Variants in SPTA1 observed in about 807,000 individuals in gnomAD.
SPTA1 encodes the protein spectrin alpha chain, erythrocytic 1.
In SPTA1, 177 loss-of-function variants were observed where a neutral mutation model predicts 324.7. That is an observed-to-expected ratio of 0.55 (90% CI 0.48 to 0.62). The LOEUF (loss-of-function observed/expected upper bound fraction) is 0.62. SPTA1 is among the 20% of genes least tolerant of loss of function. SPTA1 has a pLI of 0.00. For missense variants in SPTA1, 3,162 were observed against 2,883.6 expected, an observed-to-expected ratio of 1.10 and a Z score of -2.21; for synonymous variants, 1,195 against 1,041.3, an observed-to-expected ratio of 1.15 and a Z score of -2.84.
chr1:158,657,599 G>C lies in SPTA1; in HGVS notation c.2683C>G (p.Leu895Val), dbSNP rs765072629. The C allele has an allele frequency of 1.2e-6, 2 of 1,613,972 alleles. No homozygotes were observed. The highest frequency in any genetic ancestry group is 1.3e-5 in the African/African-American group (1 of 74,888). ...RARAARRQND[L>V]EANVQFQQYL... ...TGCTGGAACTGGACATTGGCTTCAA[G>C]ATCATTTTGTCGCCTAGCAGCTCGA... is the stretch of plus-strand genomic sequence containing the variant. The change falls in exon 19 of 52, where the codon CTT becomes GTT. Residue 895 changes from leucine to valine, a missense_variant. Physicochemically the swap from Leu to Val is conservative, Grantham distance 32 (BLOSUM62 1). Coordinates refer to ENST00000643759, the MANE Select transcript of SPTA1 (RefSeq NM_003126.4).
chr1:158,654,626 G>A lies in SPTA1; in HGVS notation c.3021C>T (p.Leu1007=), dbSNP rs754202584. The A allele has an allele frequency of 6.2e-7, 1 of 1,614,012 alleles. No individual in the cohort carries two copies. Among genetic ancestry groups the A allele is most frequent in the Admixed American group, 1.7e-5 (1 of 60,010 alleles). The change falls in exon 21 of 52, where the codon CTC becomes CTT. Residue 1007 remains leucine (L), a synonymous_variant. Coordinates refer to ENST00000643759, the MANE Select transcript of SPTA1 (RefSeq NM_003126.4). ...GAAAAGTCACCTTATTGATGGAACT[G>A]AGCAGCGTTAAGACATCACCTTTCT... The part of the protein sequence containing the change: ...TMKKGDVLTL[L]SSINKDWWKV...
intron 25 of SPTA1, among the ~76,000 whole-genome samples, chr1:158,649,113 T>C (rs985025495): frequency 1.2e-4 from 19 of 152,216 alleles, no homozygotes; most frequent in Admixed American, 7.2e-4. Context: ...TTCTGTTTTG[T>C]TTGTTTACTT....
intron 20 of SPTA1, 72 bp from the exon 21 acceptor site, chr1:158,654,820 G>C: frequency 6.3e-7 from 1 of 1,599,924 alleles, no homozygotes; most frequent in Non-Finnish European, 8.5e-7. Flanking sequence ...CCAGGGGTGA[G>C]TAGTCCTTTA....
chr1:158,616,160 A>C (rs1307094513), intron 47 of SPTA1, among the ~76,000 whole-genome samples: 1 of 152,150 alleles, frequency 6.6e-6, no homozygotes, highest in Non-Finnish European at 1.5e-5. Context: ...GGTATACAAG[A>C]CAATTTAATA....
In SPTA1 at chr1:158,619,216, G is replaced by T; in HGVS notation, c.6530+6C>A. 6.2e-7 allele frequency: 1 copy of T among 1,612,802 alleles called. No homozygotes were observed. Among genetic ancestry groups the T allele is most frequent in the Non-Finnish European group, 8.5e-7 (1 of 1,178,834 alleles). ...GGGTCATGGTTTGGGATGTAGCATA[G>T]CACACCTGGTTTCCAGGATCCATTG... On this transcript the variant is annotated splice_donor_region_variant and intron_variant, in intron 45 of 51. Transcript: ENST00000643759.
At chr1:158,675,796 A>G (rs913416099) in intron 8 of SPTA1, among the ~76,000 whole-genome samples, 6 of 152,210 alleles carry the variant, frequency 3.9e-5, no homozygotes, top group Non-Finnish European at 5.9e-5. Flanking sequence ...CAAAGGAATG[A>G]TTCATCTTTC....
chr1:158,677,729 G>A lies in SPTA1; in HGVS notation c.918C>T (p.His306=). 1 of 1,613,546 alleles carries A rather than the reference G, an allele frequency of 6.2e-7. No individual in the cohort carries two copies. The highest frequency in any genetic ancestry group is 1.1e-5 in the South Asian group (1 of 91,064). The part of the protein sequence containing the change: ...LVASEGLFHS[H]KGLERNLAVM... ...CAGCAAGATTTCTCTCAAGTCCCTT[G>A]TGACTGTGAAACAGTCCTTCAGAGG... The change falls in exon 7 of 52, where the codon CAC becomes CAT. Residue 306 remains histidine, a synonymous_variant. Transcript: ENST00000643759.
intron 43 of SPTA1, among the ~76,000 whole-genome samples, chr1:158,620,960 C>A (rs756086440): frequency 1.3e-5 from 2 of 152,000 alleles, no homozygotes; most frequent in Non-Finnish European, 2.9e-5. Flanking sequence ...TAGACCACAC[C>A]CAGCTGACTT....
intron 24 of SPTA1, 68 bp downstream of exon 24, chr1:158,651,299 T>C (rs369535605): frequency 8.3e-5 from 81 of 977,018 alleles, no homozygotes; most frequent in Middle Eastern, 6.2e-4. Flanking sequence ...AAGTTCCATG[T>C]TGAAGTGAAA....
At chr1:158,630,889 C>G (rs1336929350) in intron 39 of SPTA1, among the ~76,000 whole-genome samples, 1 of 152,044 alleles carries the variant, frequency 6.6e-6, no homozygotes, top group African/African-American at 2.4e-5. Flanking sequence ...TTCAATATCA[C>G]TAATTATCAG....
Position 158,614,321 on chromosome 1 carries a change from A to AT in SPTA1, c.6789-16_6789-15insA. ...CTTTGATGTCCCTGAAAGAAAAAAA[A>AT]AAAACATGAATTTTCCCTGTATATG... is the stretch of plus-strand genomic sequence containing the variant. On this transcript the variant is annotated splice_polypyrimidine_tract_variant and intron_variant, in intron 48 of 51. Transcript: ENST00000643759. The AT allele has an allele frequency of 6.3e-7, 1 of 1,574,888 alleles. No individual in the cohort carries two copies. Among genetic ancestry groups the AT allele is most frequent in the Non-Finnish European group, 8.7e-7 (1 of 1,148,584 alleles).
At position 158,619,283 on chromosome 1, in the gene SPTA1, C is replaced by A; in HGVS notation, c.6469G>T (p.Glu2157Ter). 6.2e-7 allele frequency: 1 copy of A among 1,614,168 alleles called. No individual in the cohort carries two copies. Among genetic ancestry groups the A allele is most frequent in the Non-Finnish European group, 8.5e-7 (1 of 1,180,010 alleles). Reference sequence around the variant, plus strand: ...TTCTGTTCAAACTCCTGACACATCTCAAAGTTCTTGACCTGTCTTGCCTCT... The same window carrying A: ...TTCTGTTCAAACTCCTGACACATCTAAAAGTTCTTGACCTGTCTTGCCTCT... ...KEEARQVKNF[E>*]MCQEFEQNAS... The change falls in exon 45 of 52, where the codon GAG becomes TAG. Residue 2157 changes from glutamate to a stop codon, truncating the protein, a stop_gained. Coordinates refer to ENST00000643759, the MANE Select transcript of SPTA1 (RefSeq NM_003126.4). LOFTEE classifies it high-confidence loss of function.
At chr1:158,646,796 A>G in intron 27 of SPTA1, among the ~76,000 whole-genome samples, 1 of 152,298 alleles carries the variant, frequency 6.6e-6, no homozygotes, top group East Asian at 1.9e-4. Context: ...AAAGCATTGC[A>G]TTGAGAGCTA....
intron 10 of SPTA1, among the ~76,000 whole-genome samples, chr1:158,672,562 A>T (rs1451760893): frequency 6.6e-6 from 1 of 152,210 alleles, no homozygotes; most frequent in Non-Finnish European, 1.5e-5. Flanking sequence ...AGATAATGTA[A>T]TGTGAGCTAG....
intron 50 of SPTA1, among the ~76,000 whole-genome samples, chr1:158,613,489 T>C (rs1649378839): frequency 6.6e-6 from 1 of 152,206 alleles, no homozygotes; most frequent in Admixed American, 6.5e-5. Context: ...AGATTGAACA[T>C]AAATCATGAA....
Position 158,611,088 on chromosome 1 carries a change from T to G in SPTA1, c.*176A>C, listed in dbSNP as rs899675416. 13 of 882,830 alleles carry G rather than the reference T, an allele frequency of 1.5e-5. No individual in the cohort carries two copies. In the Admixed American group the frequency reaches 1.6e-4, roughly 11 times the overall value. 54.7% of individuals were successfully genotyped at this position (882,830 alleles called of 1,614,324 possible). ...CCTTTCTATCTCCCACCCTTGAGAT[T>G]TTTTAAGATCCTACAATAAATGTAA... On this transcript the variant is annotated 3_prime_UTR_variant, in exon 52 of 52. Transcript: ENST00000643759.
At chr1:158,656,698 G>A in intron 19 of SPTA1, 42 bp from the exon 20 acceptor site, 2 of 1,535,426 alleles carry the variant, frequency 1.3e-6, no homozygotes, top group Non-Finnish European at 1.8e-6. Context: ...AATATAGGAG[G>A]AACACTATTA....
chr1:158,657,434 C>T (rs148593874), intron 19 of SPTA1, 43 bp downstream of exon 19: 128 of 1,563,932 alleles, frequency 8.2e-5, no homozygotes, highest in East Asian at 7.4e-4. Flanking sequence ...AATTTGGTTG[C>T]GTTTGTTGAG....
At chr1:158,617,158 A>G (rs1033920249) in intron 47 of SPTA1, among the ~76,000 whole-genome samples, 1 of 152,190 alleles carries the variant, frequency 6.6e-6, no homozygotes, top group African/African-American at 2.4e-5. Context: ...GAAATTTGCC[A>G]GTGTTGGGCA....
Sources: gnomAD v4.1 joint callset for allele counts (sites outside exome capture counted in the v4.1 genomes callset) on GRCh38, gnomAD v4.1.1 for gene constraint, MANE v1.5 for transcripts, NCBI Gene and HGNC (gene_info 2026-07-23, HGNC 2026-07-21) for gene names.